Variants in GMCL1 observed in about 807,000 individuals in gnomAD.
GMCL1 encodes the protein germ cell-less 1, spermatogenesis associated.
A neutral mutation model predicts 75.5 loss-of-function variants in GMCL1; 54 were observed. The observed-to-expected ratio is 0.71, with a 90% confidence interval of 0.57 to 0.90. The LOEUF is 0.90. Among genes scored for constraint, GMCL1 ranks in the 40% least tolerant of loss-of-function variants. The pLI is 0.00. For missense variants in GMCL1, 537 were observed against 622.7 expected (o/e 0.86, Z 1.47); for synonymous variants, 210 against 209.6 (o/e 1.00, Z -0.02).
chr2:69,843,093 A>C, intron 4 of GMCL1, 56 bp from the exon 5 acceptor site: 1 of 811,900 alleles, frequency 1.2e-6, no homozygotes, highest in South Asian at 1.8e-5. Flanking sequence ...AAAAGCTGTC[A>C]GAGCTAATTT....
chr2:69,850,092 A>G (rs1675270314), intron 8 of GMCL1, among the ~76,000 whole-genome samples: 1 of 152,196 alleles, frequency 6.6e-6, no homozygotes, highest in Non-Finnish European at 1.5e-5. Context: ...AGTTTTCTCT[A>G]ACAAGCTATA....
intron 11 of GMCL1, among the ~76,000 whole-genome samples, chr2:69,867,624 C>T (rs532943160): frequency 1.3e-5 from 2 of 152,248 alleles, no homozygotes; most frequent in South Asian, 2.1e-4. Flanking sequence ...TGGTCCCTTG[C>T]TTATACTCTT....
chr2:69,864,809 T>C (rs1675762398), intron 10 of GMCL1, 91 bp from the exon 11 acceptor site: 2 of 785,998 alleles, frequency 2.5e-6, no homozygotes, highest in South Asian at 3.5e-5. Context: ...TTAAATCTGG[T>C]AGCAAGATTT....
intron 13 of GMCL1, 34 bp downstream of exon 13, chr2:69,871,866 A>C (rs1400582631): frequency 1.1e-5 from 14 of 1,265,312 alleles, no homozygotes; most frequent in Non-Finnish European, 1.0e-5. Flanking sequence ...TGTCATCATA[A>C]TATTTGTCTT....
intron 12 of GMCL1, among the ~76,000 whole-genome samples, chr2:69,871,035 A>G (rs1274090242): frequency 6.6e-6 from 1 of 152,212 alleles, no homozygotes; most frequent in Non-Finnish European, 1.5e-5. Context: ...GACCAGAAGA[A>G]TTGAAAATAG....
chr2:69,869,859 A>T lies in GMCL1; in HGVS notation c.1359A>T (p.Ala453=). 1.2e-6 allele frequency: 2 copies of T among 1,613,014 alleles called. No homozygotes were observed. Among genetic ancestry groups the T allele is most frequent in the Non-Finnish European group, 1.7e-6 (2 of 1,179,410 alleles). ...GTTTACAGCCTCGAAGGAGCATAGC[A>T]TTTAGGTAGGATGAGATTTCCCCAC... The part of the protein sequence containing the change: ...SVSLQPRRSI[A]FRLRLASFDS... The change falls in exon 12 of 14, where the codon GCA becomes GCT. Residue 453 remains alanine, a synonymous_variant. Transcript: ENST00000282570.
chr2:69,845,296 A>C (rs1042552921), intron 6 of GMCL1, among the ~76,000 whole-genome samples: 19 of 152,198 alleles, frequency 1.2e-4, no homozygotes, highest in African/African-American at 4.3e-4. Context: ...AGATTTCTCC[A>C]TCACCTGTGG....
rs1220009070 is a variant in GMCL1, at chr2:69,881,263, C to T, written c.*2259C>T. ...GATAATTGTCAGGTAGTAATTCACA[C>T]TGGTAGTAAAGATGTGCTTTTGTTT... On this transcript the variant is annotated 3_prime_UTR_variant, in exon 14 of 14. Coordinates refer to ENST00000282570, the MANE Select transcript of GMCL1 (RefSeq NM_178439.5). The T allele has an allele frequency of 6.6e-6, 1 of 152,152 alleles. No homozygotes were observed. Among genetic ancestry groups the T allele is most frequent in the African/African-American group, 2.4e-5 (1 of 41,424 alleles). The allele number at this position is 152,152 out of a possible 1,614,324, so 9.4% of individuals were successfully genotyped here. A position where few individuals can be genotyped will look rare whatever the true frequency, so the allele number is the denominator to read the frequency against.
chr2:69,860,776 A>T (rs1015281054), intron 9 of GMCL1, among the ~76,000 whole-genome samples: 3 of 152,220 alleles, frequency 2.0e-5, no homozygotes, highest in Non-Finnish European at 4.4e-5. Flanking sequence ...TTTAAAGATC[A>T]TTCAGCCATT....
chr2:69,842,400 T>G (rs1440308321), intron 4 of GMCL1, among the ~76,000 whole-genome samples: 1 of 152,256 alleles, frequency 6.6e-6, no homozygotes, highest in Non-Finnish European at 1.5e-5. Flanking sequence ...GTTGAGATCA[T>G]TTGATTTTCA....
intron 9 of GMCL1, among the ~76,000 whole-genome samples, chr2:69,858,121 G>T (rs1443747757): frequency 6.6e-6 from 1 of 152,142 alleles, no homozygotes; most frequent in Non-Finnish European, 1.5e-5. Flanking sequence ...CTGCAGATCA[G>T]ATCCGTGACG....
chr2:69,876,306 ATT>A (rs1676129481), intron 13 of GMCL1, among the ~76,000 whole-genome samples: 2 of 152,208 alleles, frequency 1.3e-5, no homozygotes, highest in African/African-American at 4.8e-5. Context: ...GCAATTGAGA[ATT>A]TGATTCTTAA....
intron 11 of GMCL1, 41 bp downstream of exon 11, chr2:69,865,016 G>A (rs1377618603): frequency 3.5e-6 from 5 of 1,438,872 alleles, no homozygotes; most frequent in Non-Finnish European, 4.9e-6. Context: ...TATACAAATT[G>A]TATTATCAGC....
Position 69,879,007 on chromosome 2 carries a change from A to G in GMCL1, c.*3A>G. The G allele has an allele frequency of 6.5e-7, 1 of 1,550,008 alleles. No individual in the cohort carries two copies. The highest frequency in any genetic ancestry group is 8.9e-7 in the Non-Finnish European group (1 of 1,125,676). On this transcript the variant is annotated 3_prime_UTR_variant, in exon 14 of 14. Transcript: ENST00000282570. ...TATCACCAGAAAAAAAGAATTGAAA[A>G]TAATCGTCACCCAGAAAATCCAGAA...
At chr2:69,854,306 C>T (rs1675407964) in intron 8 of GMCL1, among the ~76,000 whole-genome samples, 1 of 152,126 alleles carries the variant, frequency 6.6e-6, no homozygotes, top group East Asian at 1.9e-4. Flanking sequence ...TGAGCCACCA[C>T]GCCTAGCCAT....
chr2:69,852,541 TGTC>T (rs1558543347), intron 8 of GMCL1, among the ~76,000 whole-genome samples: 1 of 137,654 alleles, frequency 7.3e-6, no homozygotes, highest in African/African-American at 3.0e-5. Context: ...TATGTCTGTC[TGTC>T]TTTTTTTTTT....
chr2:69,836,896 T>C (rs1286171113), intron 1 of GMCL1, among the ~76,000 whole-genome samples: 1 of 152,188 alleles, frequency 6.6e-6, no homozygotes, highest in Non-Finnish European at 1.5e-5. Context: ...TGGTGGCCCC[T>C]AAGACTTCTC....
chr2:69,838,121 AG>A (rs1479452559), intron 2 of GMCL1, among the ~76,000 whole-genome samples: 1 of 152,084 alleles, frequency 6.6e-6, no homozygotes, highest in Non-Finnish European at 1.5e-5. Context: ...AAAAGTATAT[AG>A]ACTAAGTAGA....
At position 69,880,621 on chromosome 2, in the gene GMCL1, C is replaced by T. The variant is rs1407481512; in HGVS notation, c.*1617C>T. The stretch of plus-strand genomic sequence containing the variant: ...CTTTGGGAGGCCGAGGCAGGCAGAT[C>T]ATCTGAGGTCAGGAGTTTAAGATCA... On this transcript the variant is annotated 3_prime_UTR_variant, in exon 14 of 14. Coordinates refer to ENST00000282570, the MANE Select transcript of GMCL1 (RefSeq NM_178439.5). 1 of 152,218 alleles carries T rather than the reference C, an allele frequency of 6.6e-6. No individual in the cohort carries two copies. Among genetic ancestry groups the T allele is most frequent in the South Asian group, 2.1e-4 (1 of 4,828 alleles). The allele number at this position is 152,218 out of a possible 1,614,324, so 9.4% of individuals were successfully genotyped here.
Sources: gnomAD v4.1 joint callset for allele counts (sites outside exome capture counted in the v4.1 genomes callset) on GRCh38, gnomAD v4.1.1 for gene constraint, MANE v1.5 for transcripts, NCBI Gene and HGNC (gene_info 2026-07-23, HGNC 2026-07-21) for gene names.